Variants in TANC2 observed in about 807,000 individuals in gnomAD.
The protein encoded by TANC2 is protein TANC2.
TANC2 carries 26 observed loss-of-function variants against 210.5 expected under a neutral mutation model. The observed-to-expected ratio is 0.12, with a 90% CI of 0.09 to 0.17. TANC2 has a LOEUF of 0.17. Among genes scored for constraint, TANC2 ranks in the 10% least tolerant of loss-of-function variants. The pLI is 1.00. For missense variants in TANC2, 2,129 were observed against 2,608.9 expected (o/e 0.82, Z 4.01); for synonymous variants, 931 against 967.1 (o/e 0.96, Z 0.69).
intron 3 of TANC2, among the ~76,000 whole-genome samples, chr17:63,082,538 A>T (rs1334505567): frequency 1.3e-5 from 2 of 152,220 alleles, no homozygotes; most frequent in African/African-American, 4.8e-5. Context: ...TTTTAAATTT[A>T]TAGTTGATTT....
intron 4 of TANC2, chr17:63,149,738 A>G (rs2039583767): frequency 6.6e-6 from 1 of 152,158 alleles, no homozygotes; most frequent in Non-Finnish European, 1.5e-5. Context: ...GCATATATAC[A>G]TATAAATCAC....
At position 63,402,879 on chromosome 17, in the gene TANC2, C is replaced by T. The variant is rs189940309; in HGVS notation, c.3332-2243C>T. On this transcript the variant is annotated intron_variant, in intron 19 of 27. Transcript: ENST00000689528. ...TCGATAAATCTCATATAAAATCCAG[C>T]CATACAACTCCTTGCTCTTGGATTT... Among the ~76,000 whole-genome samples the T allele has an allele frequency of 1.2e-4, 18 of 152,330 alleles. No homozygotes were observed. In the East Asian group the frequency reaches 2.1e-3, roughly 18 times the overall value.
intron 2 of TANC2, among the ~76,000 whole-genome samples, chr17:63,022,458 G>A (rs1294846952): frequency 2.0e-5 from 3 of 152,102 alleles, no homozygotes; most frequent in Non-Finnish European, 4.4e-5. Flanking sequence ...GGGAGCAAAG[G>A]GATGATTTAA....
chr17:63,061,441 C>A (rs1298883604), intron 2 of TANC2, among the ~76,000 whole-genome samples: 1 of 152,092 alleles, frequency 6.6e-6, no homozygotes, highest in Non-Finnish European at 1.5e-5. Flanking sequence ...TGATCCCCCC[C>A]TTTTTAAATC....
chr17:63,414,593 C>T (rs1177570963), intron 25 of TANC2, among the ~76,000 whole-genome samples: 3 of 152,134 alleles, frequency 2.0e-5, no homozygotes, highest in Non-Finnish European at 4.4e-5. Context: ...TATTCTGAGG[C>T]GAGGAGTCCT....
Position 63,312,264 on chromosome 17 carries a change from G to A in TANC2, c.1160-2124G>A, listed in dbSNP as rs150107241. 1.4e-3 allele frequency among the ~76,000 whole-genome samples: 213 copies of A among 152,194 alleles called. 2 individuals carry two copies. The highest frequency in any genetic ancestry group is 4.6e-3 in the African/African-American group (190 of 41,544). On this transcript the variant is annotated intron_variant, in intron 9 of 27. Transcript: ENST00000689528. ...TTCTACCAAAAAGACATATGCATGC[G>A]TATGTTCATTAAAATACTAGTGACA...
chr17:63,228,797 C>G (rs574585306), intron 7 of TANC2, among the ~76,000 whole-genome samples: 11 of 152,266 alleles, frequency 7.2e-5, no homozygotes, highest in African/African-American at 2.6e-4. Context: ...TGAGACCTTG[C>G]TGAAGTTGTT....
At chr17:62,990,685 C>T (rs1435008305) in intron 1 of TANC2, among the ~76,000 whole-genome samples, 4 of 151,920 alleles carry the variant, frequency 2.6e-5, no homozygotes, top group Non-Finnish European at 5.9e-5. Context: ...TAAGAGGTTC[C>T]TGGGTGAATG....
intron 3 of TANC2, among the ~76,000 whole-genome samples, chr17:63,079,200 TCC>T (rs2036679274): frequency 6.6e-6 from 1 of 152,170 alleles, no homozygotes. Flanking sequence ...ATTCACGCAG[TCC>T]CATATAGAGG....
intron 10 of TANC2, 40 bp downstream of exon 10, chr17:63,314,709 GCTGAAGTTTTT>G: frequency 6.3e-7 from 1 of 1,594,130 alleles, no homozygotes. Flanking sequence ...TTTCATTGGC[GCTGAAGTTTTT>G]CTGACATATT....
rs780529896 is a variant in TANC2, at chr17:63,421,262, C to G, written c.5532C>G (p.Asn1844Lys). ...GAAGACCTATCAGTGTCAACCCTAA[C>G]GAAATCAAACCGCACCCGCCAACTC... Residue 1844 changes from asparagine to lysine, a missense_variant, in exon 28 of 28, where the codon AAC becomes AAG. By Grantham distance (94) the Asn-to-Lys change is moderately conservative. This residue lies in a region of TANC2 where 584 missense variants were observed against 627.3 expected (regional missense o/e 0.93). Coordinates refer to ENST00000689528, the Ensembl canonical transcript of TANC2. The surrounding 1 kb of genome is among the most constrained non-coding windows in gnomAD (Gnocchi z 6.9). The G allele has an allele frequency of 6.2e-7, 1 of 1,614,044 alleles. No individual in the cohort carries two copies. Among genetic ancestry groups the G allele is most frequent in the Non-Finnish European group, 8.5e-7 (1 of 1,179,898 alleles).
intron 5 of TANC2, among the ~76,000 whole-genome samples, chr17:63,158,264 T>A (rs1196244638): frequency 6.6e-6 from 1 of 152,224 alleles, no homozygotes; most frequent in African/African-American, 2.4e-5. Context: ...TATCACTCAC[T>A]CCATAAGGTG....
At chr17:63,238,112 GT>G (rs935322997) in intron 8 of TANC2, 35 bp downstream of exon 8, 1 of 1,500,232 alleles carries the variant, frequency 6.7e-7, no homozygotes, top group African/African-American at 1.4e-5. Context: ...TGTTGCTGTT[GT>G]TAAATAATCA....
At chr17:63,397,804 C>T (rs530250803) in intron 18 of TANC2, among the ~76,000 whole-genome samples, 1 of 152,168 alleles carries the variant, frequency 6.6e-6, no homozygotes, top group Non-Finnish European at 1.5e-5. Context: ...TTTGAGTATT[C>T]TTTAACCTTT....
intron 9 of TANC2, 61 bp from the exon 10 acceptor site, chr17:63,314,327 T>G (rs904942471): frequency 1.0e-5 from 16 of 1,578,566 alleles, no homozygotes; most frequent in Admixed American, 1.8e-5. Context: ...ATTTTTTCTC[T>G]CTTTGTTTCT....
chr17:63,198,797 T>C (rs1187996332), intron 6 of TANC2, among the ~76,000 whole-genome samples: 3 of 151,394 alleles, frequency 2.0e-5, no homozygotes, highest in African/African-American at 7.3e-5. Flanking sequence ...AAAAAAAAAA[T>C]CATTGCTCTG....
At chr17:62,978,604 G>T (rs2032147528) in intron 1 of TANC2, 1 of 152,290 alleles carries the variant, frequency 6.6e-6, no homozygotes, top group Admixed American at 6.5e-5. Flanking sequence ...GTGATATCCA[G>T]TTCAGGGCTG....
chr17:62,989,462 T>A (rs1234441736), intron 1 of TANC2, among the ~76,000 whole-genome samples: 1 of 152,248 alleles, frequency 6.6e-6, no homozygotes, highest in African/African-American at 2.4e-5. Flanking sequence ...TGATGTTATT[T>A]ATAAGAATGC....
chr17:63,274,625 G>A (rs982276368), intron 9 of TANC2, among the ~76,000 whole-genome samples: 3 of 151,960 alleles, frequency 2.0e-5, no homozygotes, highest in Non-Finnish European at 4.4e-5. Flanking sequence ...ACCACCCTGG[G>A]CAACATGGTA....
Sources: gnomAD v4.1 joint callset for allele counts (sites outside exome capture counted in the v4.1 genomes callset) on GRCh38, gnomAD v4.1.1 for gene constraint, gnomAD v4.1.1 regional missense constraint, Gnocchi (gnomAD v3.1) non-coding constraint, MANE v1.5 for transcripts, NCBI Gene and HGNC (gene_info 2026-07-23, HGNC 2026-07-21) for gene names.